The following GOLGA8A variants were observed in gnomAD, a reference collection of about 807,000 sequenced individuals.
The protein encoded by GOLGA8A is golgin A8 family member A.
GOLGA8A carries 3 observed loss-of-function variants against 22.1 expected under a neutral mutation model. The ratio of observed to expected loss-of-function variants is 0.14; its 90% CI spans 0.06 to 0.35. The LOEUF is 0.35. Ranked by LOEUF, GOLGA8A falls within the 10% of genes least tolerant of loss-of-function variation. The pLI, the probability that GOLGA8A is intolerant of heterozygous loss-of-function variation, is 1.00. For synonymous variants in GOLGA8A, 7 were observed against 91.7 expected (o/e 0.08, Z 5.28); for missense variants, 16 against 233.2 (o/e 0.07, Z 6.07).
chr15:34,397,132 CT>C (rs147297767), intron 8 of GOLGA8A, among the ~76,000 whole-genome samples: 2 of 27,102 alleles, frequency 7.4e-5, no homozygotes, highest in African/African-American at 1.8e-4. Context: ...TTTTCTTCTT[CT>C]TTTTTTTTTG....
At chr15:34,425,511 T>C (rs1892948933) in intron 2 of GOLGA8A, among the ~76,000 whole-genome samples, 1 of 145,170 alleles carries the variant, frequency 6.9e-6, no homozygotes, top group Non-Finnish European at 1.5e-5. Context: ...AGGAGGGTGG[T>C]TATATACATT....
chr15:34,426,107 A>G (rs1377347146), intron 2 of GOLGA8A, among the ~76,000 whole-genome samples: 4 of 148,666 alleles, frequency 2.7e-5, no homozygotes, highest in Non-Finnish European at 6.0e-5. Flanking sequence ...CTAGGAATCT[A>G]TGCTACGAAA....
intron 2 of GOLGA8A, among the ~76,000 whole-genome samples, chr15:34,432,539 A>G (rs1893306297): frequency 6.7e-6 from 1 of 148,964 alleles, no homozygotes; most frequent in Non-Finnish European, 1.5e-5. Context: ...TTTGTCGGGA[A>G]ATTATTTAAA....
At chr15:34,412,901 T>G (rs2140257591) in intron 2 of GOLGA8A, among the ~76,000 whole-genome samples, 1 of 111,726 alleles carries the variant, frequency 9.0e-6, no homozygotes, top group Middle Eastern at 4.4e-3. Flanking sequence ...ACAATATGGA[T>G]AAACCTTGAG....
At chr15:34,416,313 G>C (rs1892573819) in intron 2 of GOLGA8A, 2 of 147,546 alleles carry the variant, frequency 1.4e-5, no homozygotes, top group South Asian at 2.4e-4. Flanking sequence ...GTGTCTTTAA[G>C]GAGCTATTTT....
chr15:34,435,557 G>C (rs1566915880), intron 1 of GOLGA8A, 86 bp from the exon 2 acceptor site: 1 of 148,738 alleles, frequency 6.7e-6, no homozygotes, highest in Non-Finnish European at 1.5e-5. Flanking sequence ...ACTTGGGTCT[G>C]CGGTGTCAGA....
intron 2 of GOLGA8A, chr15:34,417,845 T>G (rs1434372128): frequency 7.5e-6 from 1 of 132,848 alleles, no homozygotes; most frequent in Non-Finnish European, 1.6e-5. Context: ...CATGGGATGT[T>G]TGGAAATAAT....
chr15:34,436,904 G>A (rs1218088581), intron 1 of GOLGA8A, among the ~76,000 whole-genome samples: 2 of 149,708 alleles, frequency 1.3e-5, no homozygotes, highest in African/African-American at 2.5e-5. Flanking sequence ...AAAGGGAAGG[G>A]GCGAAGATCC....
At chr15:34,417,871 G>C (rs1892636712) in intron 2 of GOLGA8A, 1 of 144,160 alleles carries the variant, frequency 6.9e-6, no homozygotes, top group African/African-American at 2.6e-5. Flanking sequence ...GACATTTTCG[G>C]TTGTCACAAC....
intron 2 of GOLGA8A, among the ~76,000 whole-genome samples, chr15:34,425,317 C>T (rs1892938732): frequency 6.8e-6 from 1 of 147,152 alleles, no homozygotes; most frequent in South Asian, 2.2e-4. Flanking sequence ...ACAGCAGCTA[C>T]TTAACCCATG....
chr15:34,430,062 G>A (rs1474566306), intron 2 of GOLGA8A, among the ~76,000 whole-genome samples: 1 of 147,848 alleles, frequency 6.8e-6, no homozygotes, highest in Non-Finnish European at 1.5e-5. Context: ...GCCTCTAGGT[G>A]TATCAAATCA....
Position 34,424,497 on chromosome 15 carries a change from G to T in GOLGA8A, c.-1123+10886C>A, listed in dbSNP as rs1892904654. On this transcript the variant is annotated intron_variant, in intron 2 of 24. Coordinates refer to ENST00000359187, the MANE Select transcript of GOLGA8A (RefSeq NM_181077.5). The stretch of plus-strand genomic sequence containing the variant: ...AGAGAGACTGAAGCAAGGTGGGCAG[G>T]CAGTCCACAAATTTAAAAGGCAACA... 2.0e-5 allele frequency among the ~76,000 whole-genome samples: 3 copies of T among 146,916 alleles called. 1 individual carries two copies. Among genetic ancestry groups the T allele is most frequent in the African/African-American group, 5.0e-5 (2 of 39,986 alleles).
intron 1 of GOLGA8A, among the ~76,000 whole-genome samples, chr15:34,435,952 C>T (rs907683524): frequency 1.3e-5 from 2 of 149,166 alleles, no homozygotes; most frequent in African/African-American, 4.9e-5. Flanking sequence ...GCCCTCCTGC[C>T]CCGCGGATCC....
chr15:34,436,951 G>A (rs1421750794), intron 1 of GOLGA8A, among the ~76,000 whole-genome samples: 1 of 149,592 alleles, frequency 6.7e-6, no homozygotes, highest in Non-Finnish European at 1.5e-5. Context: ...ACCCAGAGGC[G>A]ATCCCAAACT....
chr15:34,427,330 C>CAAAAAA (rs67775520), intron 2 of GOLGA8A, among the ~76,000 whole-genome samples: 6 of 78,834 alleles, frequency 7.6e-5, no homozygotes, highest in Non-Finnish European at 9.9e-5. Context: ...GACTCCGTCA[C>CAAAAAA]AAAAAAAAAA....
At chr15:34,429,993 T>G (rs1893157786) in intron 2 of GOLGA8A, among the ~76,000 whole-genome samples, 1 of 147,694 alleles carries the variant, frequency 6.8e-6, no homozygotes. Flanking sequence ...ATGCTGCCAG[T>G]CCAGGGGTCC....
chr15:34,436,137 A>T lies in GOLGA8A; in HGVS notation c.-1211-666T>A, dbSNP rs907734436. On this transcript the variant is annotated intron_variant, in intron 1 of 24. Transcript: ENST00000359187. ...AGGGGAGAAACCCCTGCCTCACCTCACTGGAGGGACCCTGACCCAGAGGCC... is the reference window on the plus strand; with the variant it reads ...AGGGGAGAAACCCCTGCCTCACCTCTCTGGAGGGACCCTGACCCAGAGGCC... Among the ~76,000 whole-genome samples, 7 of 148,940 alleles carry T rather than the reference A, an allele frequency of 4.7e-5. 1 individual carries two copies. Among genetic ancestry groups the T allele is most frequent in the African/African-American group, 1.7e-4 (7 of 40,376 alleles).
rs1891473416 is a variant in GOLGA8A, at chr15:34,381,242, A to C, written c.*169T>G. 1 of 1,099,336 alleles carries C rather than the reference A, an allele frequency of 9.1e-7. No individual in the cohort carries two copies. Among genetic ancestry groups the C allele is most frequent in the Non-Finnish European group, 1.3e-6 (1 of 761,286 alleles). 68.1% of individuals were successfully genotyped at this position (1,099,336 alleles called of 1,614,324 possible). A position where few individuals can be genotyped will look rare whatever the true frequency, so the allele number is the denominator to read the frequency against. ...ACATCAGTGAGAGCCACAGAGACCC[A>C]CTCTCTTTTAACTTTTTACAAATAA... On this transcript the variant is annotated 3_prime_UTR_variant, in exon 25 of 25. Transcript: ENST00000359187.
Position 34,431,312 on chromosome 15 carries a change from CATATATATATATATATATATATA to C in GOLGA8A, c.-1123+4048_-1123+4070del, listed in dbSNP as rs1893229111. On this transcript the variant is annotated intron_variant, in intron 2 of 24. Transcript: ENST00000359187. Reference sequence around the variant, plus strand: ...AAAATTATATATATATATATATATACATATATATATATATATATATATATATATATATATCTCACACACACACA... The same window carrying C: ...AAAATTATATATATATATATATATACTATATATATATCTCACACACACACA... Among the ~76,000 whole-genome samples, 20 of 45,728 alleles carry C rather than the reference CATATATATATATATATATATATA, an allele frequency of 4.4e-4. 1 individual carries two copies. The highest frequency in any genetic ancestry group is 4.2e-4 in the Non-Finnish European group (7 of 16,844). 30.0% of individuals were successfully genotyped at this position (45,728 alleles called of 152,430 possible).
Sources: allele counts gnomAD v4.1 joint callset (sites outside exome capture counted in the v4.1 genomes callset), GRCh38; gene constraint gnomAD v4.1.1; transcripts MANE v1.5; gene names NCBI Gene and HGNC (gene_info 2026-07-23, HGNC 2026-07-21).